Variants in KPNA4 observed in about 807,000 individuals in gnomAD.
The protein encoded by KPNA4 is importin subunit alpha-3.
In KPNA4, 13 loss-of-function variants were observed where a neutral mutation model predicts 71.3. The observed-to-expected ratio is 0.18, with a 90% CI of 0.12 to 0.29. KPNA4 has a LOEUF of 0.29. KPNA4 is among the 10% of genes least tolerant of loss of function. The pLI is 1.00. For synonymous variants in KPNA4, 189 were observed against 195.2 expected, an observed-to-expected ratio of 0.97 and a Z score of 0.26; for missense variants, 334 against 603.2, an observed-to-expected ratio of 0.55 and a Z score of 4.67.
At chr3:160,536,646 A>G (rs1721700404) in intron 2 of KPNA4, 150 bp downstream of exon 2, 3 of 443,910 alleles carry the variant, frequency 6.8e-6, no homozygotes, top group Non-Finnish European at 8.1e-6. Flanking sequence ...GAGATTTTAA[A>G]AAGTTTAACT....
chr3:160,535,292 T>C (rs1166777598), intron 5 of KPNA4, among the ~76,000 whole-genome samples: 5 of 152,204 alleles, frequency 3.3e-5, no homozygotes, highest in Admixed American at 6.5e-5. Context: ...ACCTTCAGTG[T>C]ACACTTTCAA....
chr3:160,504,619 A>G (rs1720947446), intron 16 of KPNA4, among the ~76,000 whole-genome samples: 1 of 152,182 alleles, frequency 6.6e-6, no homozygotes, highest in Admixed American at 6.5e-5. Flanking sequence ...AGAACTTATT[A>G]CAGGATATAC....
intron 1 of KPNA4, among the ~76,000 whole-genome samples, chr3:160,553,203 G>A (rs1722075351): frequency 6.6e-6 from 1 of 151,990 alleles, no homozygotes; most frequent in Non-Finnish European, 1.5e-5. Flanking sequence ...TGCTCTTTCC[G>A]GGGGTGCTCC....
chr3:160,516,608 T>C (rs1025366219), intron 11 of KPNA4, among the ~76,000 whole-genome samples: 19 of 151,904 alleles, frequency 1.3e-4, no homozygotes, highest in Admixed American at 1.2e-3. Flanking sequence ...GACAAAACCC[T>C]GTCTCTACAA....
At chr3:160,544,209 T>C (rs891362278) in intron 1 of KPNA4, among the ~76,000 whole-genome samples, 4 of 63,084 alleles carry the variant, frequency 6.3e-5, no homozygotes, top group Non-Finnish European at 2.1e-4. Context: ...TACCAAACTG[T>C]GTGTGTGTGT....
intron 5 of KPNA4, among the ~76,000 whole-genome samples, chr3:160,533,279 C>T (rs901104859): frequency 2.0e-5 from 3 of 152,280 alleles, no homozygotes; most frequent in East Asian, 1.9e-4. Flanking sequence ...CTGGCCTCGG[C>T]GTCCCAAACT....
chr3:160,546,379 G>A (rs905416423), intron 1 of KPNA4, among the ~76,000 whole-genome samples: 1 of 152,094 alleles, frequency 6.6e-6, no homozygotes, highest in Non-Finnish European at 1.5e-5. Flanking sequence ...TTAGCTAGGT[G>A]TGGAGGTGTA....
At chr3:160,556,787 A>G (rs1722146068) in intron 1 of KPNA4, among the ~76,000 whole-genome samples, 1 of 152,242 alleles carries the variant, frequency 6.6e-6, no homozygotes, top group Non-Finnish European at 1.5e-5. Context: ...GAATTGGGAA[A>G]AATTATTCAC....
chr3:160,540,983 CAG>C (rs1721786603), intron 1 of KPNA4, among the ~76,000 whole-genome samples: 1 of 152,164 alleles, frequency 6.6e-6, no homozygotes, highest in African/African-American at 2.4e-5. Context: ...CAAGTCAAAA[CAG>C]AATGCTAGCT....
chr3:160,564,385 T>A (rs942759430), intron 1 of KPNA4: 2 of 151,898 alleles, frequency 1.3e-5, no homozygotes, highest in African/African-American at 4.8e-5. Context: ...TACTGTAGAC[T>A]AGAGGATGAC....
intron 11 of KPNA4, among the ~76,000 whole-genome samples, chr3:160,520,184 T>G (rs1721317327): frequency 6.6e-6 from 1 of 151,742 alleles, no homozygotes; most frequent in African/African-American, 2.4e-5. Flanking sequence ...AATACAAACT[T>G]AAGGATAAAC....
At chr3:160,558,500 A>G (rs1722182219) in intron 1 of KPNA4, among the ~76,000 whole-genome samples, 1 of 152,214 alleles carries the variant, frequency 6.6e-6, no homozygotes, top group Admixed American at 6.5e-5. Flanking sequence ...TAGCCTCCAT[A>G]ATTACTAAGT....
intron 1 of KPNA4, among the ~76,000 whole-genome samples, chr3:160,550,733 C>T (rs1228397166): frequency 6.6e-6 from 1 of 152,176 alleles, no homozygotes; most frequent in Non-Finnish European, 1.5e-5. Flanking sequence ...TTGTCAAAGT[C>T]TGGTACTGAA....
intron 15 of KPNA4, among the ~76,000 whole-genome samples, chr3:160,507,161 T>C (rs1001598787): frequency 6.6e-6 from 1 of 152,152 alleles, no homozygotes; most frequent in Admixed American, 6.6e-5. Context: ...TTCGAAACTA[T>C]TGCCCTAAAG....
chr3:160,540,720 G>GT (rs767848330), intron 1 of KPNA4, among the ~76,000 whole-genome samples: 1 of 152,184 alleles, frequency 6.6e-6, no homozygotes, highest in Non-Finnish European at 1.5e-5. Context: ...CACTGATGCA[G>GT]TAAGCAGTGG....
chr3:160,544,361 T>C (rs193110938), intron 1 of KPNA4, among the ~76,000 whole-genome samples: 137 of 152,328 alleles, frequency 9.0e-4, no homozygotes, highest in African/African-American at 2.6e-3. Flanking sequence ...GAATCACTTA[T>C]AGAAGGCGAC....
At chr3:160,536,733 G>T in intron 2 of KPNA4, 63 bp downstream of exon 2, 1 of 874,772 alleles carries the variant, frequency 1.1e-6, no homozygotes, top group Non-Finnish European at 1.8e-6. Context: ...TTGGCATCTT[G>T]TATATAATGC....
rs1721021162 is a variant in KPNA4, at chr3:160,508,032, C to T, written c.1372+75G>A. The T allele has an allele frequency of 5.4e-6, 6 of 1,106,052 alleles. No homozygotes were observed. In the Admixed American group the frequency reaches 7.4e-5, roughly 14 times the overall value. 68.5% of individuals were successfully genotyped at this position (1,106,052 alleles called of 1,614,324 possible). A position where few individuals can be genotyped will look rare whatever the true frequency, so the allele number is the denominator to read the frequency against. On this transcript the variant is annotated intron_variant, in intron 15 of 16. Transcript: ENST00000334256. ...TCTAAGACAGAAAAATATAGATGTG[C>T]TATATTAGTCGGCAAATAAAGGTAG...
intron 1 of KPNA4, among the ~76,000 whole-genome samples, chr3:160,545,783 G>A (rs1423984833): frequency 6.6e-6 from 1 of 152,204 alleles, no homozygotes; most frequent in African/African-American, 2.4e-5. Flanking sequence ...CAGAGTGGTC[G>A]CAGTGGGGAT....
Sources: gnomAD v4.1 joint callset for allele counts (sites outside exome capture counted in the v4.1 genomes callset) on GRCh38, gnomAD v4.1.1 for gene constraint, MANE v1.5 for transcripts, NCBI Gene and HGNC (gene_info 2026-07-23, HGNC 2026-07-21) for gene names.